Variants in BABAM2 observed in about 807,000 individuals in gnomAD.
BABAM2 encodes the protein BRISC and BRCA1 A complex member 2.
Under a neutral mutation model 54.7 loss-of-function variants are expected in BABAM2, and 31 were observed. The observed-to-expected ratio is 0.57, with a 90% CI of 0.43 to 0.77. The LOEUF is 0.77. BABAM2 is among the 30% of genes least tolerant of loss of function. The pLI, the probability that BABAM2 is intolerant of heterozygous loss-of-function variation, is 0.00. For missense variants in BABAM2, 364 were observed against 455.8 expected, an observed-to-expected ratio of 0.80 and a Z score of 1.83; for synonymous variants, 167 against 162.9, an observed-to-expected ratio of 1.03 and a Z score of -0.19.
At chr2:27,996,982 T>C (rs1419077391) in intron 4 of BABAM2, among the ~76,000 whole-genome samples, 1 of 152,212 alleles carries the variant, frequency 6.6e-6, no homozygotes, top group Non-Finnish European at 1.5e-5. Context: ...TTTGAGAATA[T>C]ATAATTTTAA....
chr2:27,918,667 A>G (rs1006021775), intron 2 of BABAM2, among the ~76,000 whole-genome samples: 6 of 152,266 alleles, frequency 3.9e-5, no homozygotes, highest in East Asian at 1.9e-4. Flanking sequence ...TTCAGATTGC[A>G]GATCAATTTA....
chr2:28,179,032 G>C (rs1488176169), intron 7 of BABAM2, among the ~76,000 whole-genome samples: 15 of 152,070 alleles, frequency 9.9e-5, no homozygotes, highest in Admixed American at 9.8e-4. Context: ...GGACAAAATA[G>C]CTTTACTGCC....
intron 3 of BABAM2, chr2:27,930,155 T>G (rs1667988707): frequency 2.5e-6 from 1 of 397,948 alleles, no homozygotes; most frequent in East Asian, 4.7e-5. Context: ...CCGGTAATTT[T>G]TATGTGTTTT....
At chr2:28,024,107 A>G (rs560383936) in intron 4 of BABAM2, among the ~76,000 whole-genome samples, 1 of 152,294 alleles carries the variant, frequency 6.6e-6, no homozygotes, top group South Asian at 2.1e-4. Context: ...ACGACAGTTC[A>G]CTTAAGAATG....
At chr2:28,001,142 A>G (rs1248020401) in intron 4 of BABAM2, among the ~76,000 whole-genome samples, 1 of 152,192 alleles carries the variant, frequency 6.6e-6, no homozygotes, top group African/African-American at 2.4e-5. Context: ...ATATTTGTCT[A>G]TGTAGCCATC....
intron 7 of BABAM2, among the ~76,000 whole-genome samples, chr2:28,162,818 A>G (rs1026288504): frequency 4.6e-5 from 7 of 152,204 alleles, no homozygotes; most frequent in Non-Finnish European, 1.0e-4. Context: ...CTTCTCCAAC[A>G]GCAATTATAG....
chr2:28,061,650 A>G (rs1484190243), intron 6 of BABAM2, among the ~76,000 whole-genome samples: 1 of 151,580 alleles, frequency 6.6e-6, no homozygotes, highest in Non-Finnish European at 1.5e-5. Flanking sequence ...AGACATATAT[A>G]TATATTTGTT....
At chr2:27,948,683 A>T (rs868576241) in intron 3 of BABAM2, among the ~76,000 whole-genome samples, 1 of 152,204 alleles carries the variant, frequency 6.6e-6, no homozygotes, top group African/African-American at 2.4e-5. Flanking sequence ...AGGCAGGAGA[A>T]TTGCTTGAAC....
chr2:28,282,675 TG>T (rs1404525111), intron 10 of BABAM2, among the ~76,000 whole-genome samples: 16 of 152,214 alleles, frequency 1.1e-4, no homozygotes, highest in African/African-American at 3.9e-4. Flanking sequence ...ATTCAATAAA[TG>T]CTGATTTTCC....
intron 3 of BABAM2, among the ~76,000 whole-genome samples, chr2:27,942,624 T>C (rs2148386230): frequency 6.6e-6 from 1 of 151,598 alleles, no homozygotes; most frequent in East Asian, 1.9e-4. Context: ...TGCCTCAGCC[T>C]CCTGAAGTGC....
At chr2:28,153,847 T>C (rs960999651) in intron 7 of BABAM2, among the ~76,000 whole-genome samples, 8 of 152,266 alleles carry the variant, frequency 5.3e-5, no homozygotes, top group African/African-American at 1.7e-4. Flanking sequence ...AGTTACTACC[T>C]AATTTTCTCC....
chr2:27,945,643 C>A (rs1397666231), intron 3 of BABAM2, among the ~76,000 whole-genome samples: 1 of 152,062 alleles, frequency 6.6e-6, no homozygotes, highest in African/African-American at 2.4e-5. Flanking sequence ...ACTGAGTCTT[C>A]CAAGAGATAA....
At chr2:27,910,327 A>G (rs978468974) in intron 2 of BABAM2, among the ~76,000 whole-genome samples, 9 of 152,228 alleles carry the variant, frequency 5.9e-5, no homozygotes, top group Non-Finnish European at 8.8e-5. Flanking sequence ...ATTAGAAAGC[A>G]TCAGAGAAAC....
chr2:28,127,221 AAAAG>A (rs1669629804), intron 6 of BABAM2, among the ~76,000 whole-genome samples: 1 of 152,200 alleles, frequency 6.6e-6, no homozygotes, highest in South Asian at 2.1e-4. Flanking sequence ...AATTTTTTAA[AAAAG>A]AAAGAAAACG....
At chr2:28,230,848 G>A (rs7595152) in intron 7 of BABAM2, among the ~76,000 whole-genome samples, 19,906 of 151,958 alleles carry the variant, frequency 0.13, 1,598 homozygotes, top group African/African-American at 0.22. Context: ...ACTTTGTTGT[G>A]ACATATGGTA....
intron 7 of BABAM2, among the ~76,000 whole-genome samples, chr2:28,220,054 C>T (rs943905561): frequency 2.8e-5 from 4 of 145,180 alleles, no homozygotes; most frequent in African/African-American, 1.1e-4. Flanking sequence ...GTCACTATTT[C>T]TTCTTCATTT....
At chr2:28,279,726 C>T (rs578244825) in intron 10 of BABAM2, among the ~76,000 whole-genome samples, 21 of 136,846 alleles carry the variant, frequency 1.5e-4, no homozygotes, top group Middle Eastern at 5.0e-3. Flanking sequence ...AGTGCAATGG[C>T]ATGATCTCAG....
At chr2:27,953,661 T>C (rs1224780506) in intron 3 of BABAM2, among the ~76,000 whole-genome samples, 3 of 151,782 alleles carry the variant, frequency 2.0e-5, no homozygotes, top group Non-Finnish European at 2.9e-5. Flanking sequence ...AAAAAAAATA[T>C]TTCTTTTTTT....
At chr2:28,163,095 G>A (rs1048182624) in intron 7 of BABAM2, among the ~76,000 whole-genome samples, 1 of 152,116 alleles carries the variant, frequency 6.6e-6, no homozygotes, top group Non-Finnish European at 1.5e-5. Flanking sequence ...TCTGTGTGTA[G>A]ACAGATAGAA....
Sources: allele counts gnomAD v4.1 joint callset (sites outside exome capture counted in the v4.1 genomes callset), GRCh38; gene constraint gnomAD v4.1.1; transcripts MANE v1.5; gene names NCBI Gene and HGNC (gene_info 2026-07-23, HGNC 2026-07-21).